The following ATP2C1 variants were observed in gnomAD, a reference collection of about 807,000 sequenced individuals.
The protein encoded by ATP2C1 is calcium-transporting ATPase type 2C member 1.
Under a neutral mutation model 120.5 loss-of-function variants are expected in ATP2C1, and 31 were observed. The ratio of observed to expected loss-of-function variants is 0.26; its 90% confidence interval spans 0.19 to 0.35. The LOEUF (loss-of-function observed/expected upper bound fraction) is 0.35. Ranked by LOEUF, ATP2C1 falls within the 10% of genes least tolerant of loss-of-function variation. The pLI is 1.00. For missense variants in ATP2C1, 731 were observed against 1,107.5 expected (o/e 0.66, Z 4.83); for synonymous variants, 351 against 358.7 (o/e 0.98, Z 0.24).
chr3:131,002,427 C>T lies in ATP2C1; in HGVS notation c.*1077C>T. 1 of 985,374 alleles carries T rather than the reference C, an allele frequency of 1.0e-6. No individual in the cohort carries two copies. Among genetic ancestry groups the T allele is most frequent in the Non-Finnish European group, 1.2e-6 (1 of 829,920 alleles). The allele number at this position is 985,374 out of a possible 1,614,324, so 61.0% of individuals were successfully genotyped here. A position where few individuals can be genotyped will look rare whatever the true frequency, so the allele number is the denominator to read the frequency against. ...GGTCTTGCTCTGTGTGCATCTGAAG[C>T]TTCTTTGGCCTAGATTTTAGCACAA... On this transcript the variant is annotated 3_prime_UTR_variant, in exon 28 of 28. Transcript: ENST00000510168.
At chr3:130,867,780 C>T (rs1258069138) in intron 1 of ATP2C1, among the ~76,000 whole-genome samples, 13 of 85,300 alleles carry the variant, frequency 1.5e-4, no homozygotes, top group Non-Finnish European at 3.2e-4. Flanking sequence ...GCCCCCTCTG[C>T]CTGGCTGCCC....
intron 13 of ATP2C1, 36 bp from the exon 14 acceptor site, chr3:130,964,908 CTTGA>C (rs749296854): frequency 6.8e-7 from 1 of 1,471,664 alleles, no homozygotes; most frequent in Admixed American, 1.7e-5. Flanking sequence ...TATATTTCTC[CTTGA>C]TTCTTTTGGT....
At chr3:130,981,542 GA>G (rs1335814404) in intron 20 of ATP2C1, among the ~76,000 whole-genome samples, 1 of 152,166 alleles carries the variant, frequency 6.6e-6, no homozygotes, top group Non-Finnish European at 1.5e-5. Context: ...TATTTTGCAT[GA>G]AAATACATTT....
intron 2 of ATP2C1, among the ~76,000 whole-genome samples, chr3:130,926,580 T>C (rs569159488): frequency 3.3e-5 from 5 of 152,242 alleles, no homozygotes; most frequent in Non-Finnish European, 7.3e-5. Context: ...TGGTAATAAC[T>C]ACCAGTATAC....
chr3:130,926,550 A>G (rs1340274947), intron 2 of ATP2C1, among the ~76,000 whole-genome samples: 1 of 152,248 alleles, frequency 6.6e-6, no homozygotes, highest in Non-Finnish European at 1.5e-5. Context: ...AAATATGTAG[A>G]CAAAACTAGC....
chr3:130,937,976 A>G (rs998180550), intron 6 of ATP2C1, among the ~76,000 whole-genome samples: 1 of 152,188 alleles, frequency 6.6e-6, no homozygotes, highest in East Asian at 1.9e-4. Context: ...TGAATTTATC[A>G]CTTAACCTTA....
intron 1 of ATP2C1, among the ~76,000 whole-genome samples, chr3:130,883,979 T>G (rs2068877605): frequency 6.8e-6 from 1 of 146,722 alleles, no homozygotes. Flanking sequence ...TCTTTCTCTG[T>G]CACCCAGGCT....
chr3:130,871,636 A>C (rs567617483), intron 1 of ATP2C1, among the ~76,000 whole-genome samples: 2 of 152,370 alleles, frequency 1.3e-5, no homozygotes, highest in South Asian at 2.1e-4. Context: ...TCAAAGCCAG[A>C]GGGATACTAA....
intron 2 of ATP2C1, among the ~76,000 whole-genome samples, chr3:130,901,318 A>C (rs1367034469): frequency 2.0e-5 from 3 of 152,028 alleles, no homozygotes; most frequent in Admixed American, 1.3e-4. Flanking sequence ...CCTCTATCCT[A>C]AAAGTTGGTA....
intron 2 of ATP2C1, chr3:130,918,579 C>A: frequency 2.7e-6 from 2 of 727,948 alleles, no homozygotes; most frequent in Admixed American, 1.8e-5. Context: ...GCGCCCTGGC[C>A]ATAAACTGTA....
intron 18 of ATP2C1, among the ~76,000 whole-genome samples, chr3:130,978,734 A>G (rs1296093377): frequency 6.6e-6 from 1 of 152,216 alleles, no homozygotes; most frequent in Non-Finnish European, 1.5e-5. Flanking sequence ...AGGAGTTTTC[A>G]TGTACAAAGT....
intron 5 of ATP2C1, among the ~76,000 whole-genome samples, chr3:130,935,516 T>A (rs529713414): frequency 2.6e-5 from 4 of 152,350 alleles, no homozygotes; most frequent in African/African-American, 9.6e-5. Context: ...TTAAGAACAC[T>A]GTAGATGTTA....
intron 2 of ATP2C1, among the ~76,000 whole-genome samples, chr3:130,914,920 A>G (rs559775519): frequency 6.6e-6 from 1 of 152,348 alleles, no homozygotes; most frequent in South Asian, 2.1e-4. Flanking sequence ...TGCAGTTGTT[A>G]TAATACAGAG....
At chr3:130,918,344 ACT>A in intron 2 of ATP2C1, 1 of 1,555,546 alleles carries the variant, frequency 6.4e-7, no homozygotes, top group South Asian at 1.1e-5. Context: ...TTGATTCAAG[ACT>A]CTTCCCACAC....
chr3:130,959,214 T>A (rs2060712590), intron 11 of ATP2C1, 61 bp from the exon 12 acceptor site: 2 of 1,264,578 alleles, frequency 1.6e-6, no homozygotes, highest in Non-Finnish European at 2.3e-6. Context: ...CTTCAGCTTG[T>A]TCTGTTCCTT....
chr3:130,985,658 C>CCAAAAAAAAAA, intron 20 of ATP2C1, among the ~76,000 whole-genome samples: 1 of 132,046 alleles, frequency 7.6e-6, no homozygotes, highest in Non-Finnish European at 1.6e-5. Context: ...CCCGCCCCAC[C>CCAAAAAAAAAA]AAAAAAAAAA....
At chr3:130,899,308 C>G (rs1032465590) in intron 2 of ATP2C1, 1 of 152,112 alleles carries the variant, frequency 6.6e-6, no homozygotes, top group East Asian at 1.9e-4. Context: ...GCCTGGAAGC[C>G]TCACTGATAA....
At chr3:130,958,285 C>A (rs1192729052) in intron 11 of ATP2C1, among the ~76,000 whole-genome samples, 1 of 151,796 alleles carries the variant, frequency 6.6e-6, no homozygotes, top group Non-Finnish European at 1.5e-5. Flanking sequence ...CATATGGTCT[C>A]TGTTGGAAAT....
intron 6 of ATP2C1, among the ~76,000 whole-genome samples, chr3:130,937,740 GTA>G (rs2059732788): frequency 6.6e-6 from 1 of 152,088 alleles, no homozygotes; most frequent in African/African-American, 2.4e-5. Context: ...AAAAAGCATA[GTA>G]ATAGAAATAA....
Sources: gnomAD v4.1 joint callset for allele counts (sites outside exome capture counted in the v4.1 genomes callset) on GRCh38, gnomAD v4.1.1 for gene constraint, MANE v1.5 for transcripts, NCBI Gene and HGNC (gene_info 2026-07-23, HGNC 2026-07-21) for gene names.